FER: variants seen among roughly 807,000 people sequenced by gnomAD.
FER encodes the protein tyrosine-protein kinase Fer.
FER carries 63 observed loss-of-function variants against 111.0 expected under a neutral mutation model. That is an observed-to-expected ratio of 0.57 (90% CI 0.46 to 0.70). The LOEUF (loss-of-function observed/expected upper bound fraction) is 0.70. FER is among the 30% of genes least tolerant of loss of function. The probability of loss-of-function intolerance (pLI) is 0.00; values close to 1 mark genes in which losing one functional copy is unlikely to be tolerated. For missense variants in FER, 914 were observed against 954.0 expected (o/e 0.96, Z 0.55); for synonymous variants, 327 against 313.9 (o/e 1.04, Z -0.44).
At chr5:108,758,572 A>G (rs555547753) in intron 1 of FER, among the ~76,000 whole-genome samples, 6 of 152,332 alleles carry the variant, frequency 3.9e-5, no homozygotes, top group African/African-American at 1.2e-4. Flanking sequence ...AGGAAGCCAA[A>G]CATAAAGACT....
chr5:108,806,329 C>G (rs1019482224), intron 3 of FER, among the ~76,000 whole-genome samples: 112 of 152,346 alleles, frequency 7.4e-4, no homozygotes, highest in African/African-American at 2.6e-3. Context: ...GTGGGGCTCT[C>G]CTGGAGAACC....
chr5:109,030,775 G>C (rs2149859713), intron 13 of FER, among the ~76,000 whole-genome samples: 1 of 152,244 alleles, frequency 6.6e-6, no homozygotes, highest in African/African-American at 2.4e-5. Flanking sequence ...TAGGCACACT[G>C]CCCTGTCATC....
chr5:108,999,492 A>G (rs961670205), intron 13 of FER, among the ~76,000 whole-genome samples: 3 of 152,304 alleles, frequency 2.0e-5, no homozygotes, highest in African/African-American at 7.2e-5. Context: ...TGACACAAAC[A>G]GAACATACAG....
chr5:108,883,275 A>T, intron 8 of FER, 121 bp from the exon 9 acceptor site: 1 of 917,354 alleles, frequency 1.1e-6, no homozygotes, highest in Non-Finnish European at 1.5e-6. Context: ...TTTTAGTTTG[A>T]ATCAGATTAT....
At chr5:108,990,065 A>G (rs1347980343) in intron 13 of FER, among the ~76,000 whole-genome samples, 1 of 151,936 alleles carries the variant, frequency 6.6e-6, no homozygotes, top group Non-Finnish European at 1.5e-5. Flanking sequence ...GGGACATGTG[A>G]CACATACAAT....
chr5:109,095,353 G>A (rs746313153), intron 16 of FER, among the ~76,000 whole-genome samples: 2 of 151,938 alleles, frequency 1.3e-5, no homozygotes, highest in Non-Finnish European at 2.9e-5. Flanking sequence ...CCCACAAACC[G>A]ACCCAATTCT....
chr5:109,007,314 T>C (rs758360113), intron 13 of FER, among the ~76,000 whole-genome samples: 7 of 152,194 alleles, frequency 4.6e-5, no homozygotes, highest in Non-Finnish European at 7.4e-5. Flanking sequence ...GTCAGACTTA[T>C]TAAGGGATAC....
chr5:108,967,779 A>C (rs954602532), intron 13 of FER, among the ~76,000 whole-genome samples: 2 of 151,498 alleles, frequency 1.3e-5, no homozygotes, highest in Non-Finnish European at 2.9e-5. Context: ...AAAAAAAAAA[A>C]AAAACAATTA....
chr5:109,123,809 T>G (rs1751321638), intron 17 of FER, among the ~76,000 whole-genome samples: 1 of 152,258 alleles, frequency 6.6e-6, no homozygotes, highest in Non-Finnish European at 1.5e-5. Context: ...TTTTGATCAT[T>G]GCTCCTTTTG....
chr5:109,002,739 T>C (rs1277346535), intron 13 of FER, among the ~76,000 whole-genome samples: 1 of 152,096 alleles, frequency 6.6e-6, no homozygotes, highest in African/African-American at 2.4e-5. Context: ...AAAGGGCTAA[T>C]ATCCAGAATC....
At position 108,952,226 on chromosome 5, in the gene FER, CTGAGAAAGATGGGATATT is replaced by C. The variant is rs1757850986; in HGVS notation, c.1330-2498_1330-2481del. Among the ~76,000 whole-genome samples the C allele has an allele frequency of 2.6e-5, 4 of 152,098 alleles. No individual in the cohort carries two copies. The South Asian group carries it at 8.3e-4, about 32-fold the overall frequency. ...CAAAGAAAAACCCTGTCTATTGAGG[CTGAGAAAGATGGGATATT>C]TGAGGTAGAAAGCTTCCTTTCATTT... On this transcript the variant is annotated intron_variant, in intron 11 of 19. Coordinates refer to ENST00000281092, the MANE Select transcript of FER (RefSeq NM_005246.4).
intron 17 of FER, among the ~76,000 whole-genome samples, chr5:109,150,380 T>G (rs1450446233): frequency 6.6e-6 from 1 of 152,166 alleles, no homozygotes; most frequent in East Asian, 1.9e-4. Context: ...TGTTATTTCC[T>G]TTAGGTTCCA....
At chr5:108,763,814 A>G (rs1350909034) in intron 1 of FER, among the ~76,000 whole-genome samples, 1 of 152,172 alleles carries the variant, frequency 6.6e-6, no homozygotes, top group Non-Finnish European at 1.5e-5. Flanking sequence ...ATATCTATTT[A>G]CATCTGAACT....
At chr5:109,095,232 G>T (rs1747353185) in intron 16 of FER, among the ~76,000 whole-genome samples, 1 of 152,048 alleles carries the variant, frequency 6.6e-6, no homozygotes, top group Non-Finnish European at 1.5e-5. Context: ...TGTTACTTGG[G>T]TAGCAAGCTG....
intron 1 of FER, among the ~76,000 whole-genome samples, chr5:108,756,045 T>C (rs1463815506): frequency 6.6e-6 from 1 of 150,466 alleles, no homozygotes; most frequent in Non-Finnish European, 1.5e-5. Flanking sequence ...TCCCAGCTAC[T>C]TGGGAGACTG....
intron 3 of FER, among the ~76,000 whole-genome samples, chr5:108,809,192 G>A (rs768863590): frequency 7.2e-5 from 11 of 152,160 alleles, no homozygotes; most frequent in African/African-American, 1.4e-4. Flanking sequence ...TGTTTTCCAG[G>A]TTGTTTACTT....
intron 13 of FER, among the ~76,000 whole-genome samples, chr5:109,014,165 TG>T (rs1766705291): frequency 1.3e-5 from 2 of 151,856 alleles, no homozygotes; most frequent in South Asian, 4.2e-4. Flanking sequence ...CCCATGCCTA[TG>T]TCCTGAATGG....
rs1057094499 is a variant in FER at position 108,844,046 on chromosome 5, A to C, written c.481+8239A>C. Among the ~76,000 whole-genome samples the C allele has an allele frequency of 5.1e-5, 5 of 98,902 alleles. No individual in the cohort carries two copies. In the South Asian group the frequency reaches 1.4e-3, roughly 28 times the overall value. The allele number at this position is 98,902 out of a possible 152,430, so 64.9% of individuals were successfully genotyped here. On this transcript the variant is annotated intron_variant, in intron 5 of 19. Coordinates refer to ENST00000281092, the MANE Select transcript of FER (RefSeq NM_005246.4). ...AACATATATATGTGTGTGAACATATATATGTGTGTGAACATATATATGTGT... is the reference window on the plus strand; with the variant it reads ...AACATATATATGTGTGTGAACATATCTATGTGTGTGAACATATATATGTGT...
At chr5:109,102,097 A>G (rs1184710656) in intron 17 of FER, among the ~76,000 whole-genome samples, 1 of 152,132 alleles carries the variant, frequency 6.6e-6, no homozygotes, top group African/African-American at 2.4e-5. Flanking sequence ...GTCACTGTAT[A>G]AATGCCTATG....
Sources: allele counts gnomAD v4.1 joint callset (sites outside exome capture counted in the v4.1 genomes callset), GRCh38; gene constraint gnomAD v4.1.1; transcripts MANE v1.5; gene names NCBI Gene and HGNC (gene_info 2026-07-23, HGNC 2026-07-21).